The following HIPK2 variants were observed in gnomAD, a reference collection of about 807,000 sequenced individuals.
HIPK2 encodes the protein homeodomain interacting protein kinase 2.
A neutral mutation model predicts 113.7 loss-of-function variants in HIPK2; 27 were observed. The ratio of observed to expected loss-of-function variants is 0.24; its 90% confidence interval spans 0.17 to 0.33. The LOEUF (loss-of-function observed/expected upper bound fraction) is 0.33. HIPK2 is among the 10% of genes least tolerant of loss of function. The pLI is 1.00. For missense variants in HIPK2, 1,257 were observed against 1,588.0 expected, an observed-to-expected ratio of 0.79 and a Z score of 3.54; for synonymous variants, 631 against 642.2, an observed-to-expected ratio of 0.98 and a Z score of 0.26.
At chr7:139,578,762 C>G (rs1040291276) in intron 13 of HIPK2, among the ~76,000 whole-genome samples, 1 of 152,164 alleles carries the variant, frequency 6.6e-6, no homozygotes, top group Non-Finnish European at 1.5e-5. Flanking sequence ...CCTCTGCCTC[C>G]CAGGTTCAAG....
intron 2 of HIPK2, among the ~76,000 whole-genome samples, chr7:139,664,599 G>T (rs1569468425): frequency 6.6e-6 from 1 of 152,074 alleles, no homozygotes; most frequent in Non-Finnish European, 1.5e-5. Context: ...CTCCCACATG[G>T]CTTCCACCCT....
chr7:139,700,307 C>T (rs1237136773), intron 2 of HIPK2, among the ~76,000 whole-genome samples: 3 of 152,134 alleles, frequency 2.0e-5, no homozygotes, highest in Admixed American at 6.5e-5. Context: ...GAGGCTGTAC[C>T]GTTGTAGTGG....
intron 13 of HIPK2, among the ~76,000 whole-genome samples, chr7:139,581,294 G>C (rs923307830): frequency 2.6e-5 from 4 of 152,170 alleles, no homozygotes; most frequent in African/African-American, 9.7e-5. Context: ...GGGACACCAG[G>C]AGCCTGGGAG....
chr7:139,746,809 T>A (rs1253049545), intron 1 of HIPK2, among the ~76,000 whole-genome samples: 3 of 152,182 alleles, frequency 2.0e-5, no homozygotes, highest in African/African-American at 7.2e-5. Flanking sequence ...CCCTTCACTG[T>A]TCAGAGTCCA....
At position 139,726,196 on chromosome 7, in the gene HIPK2, G is replaced by T. The variant is rs190797521; in HGVS notation, c.20-9181C>A. Among the ~76,000 whole-genome samples the T allele has an allele frequency of 1.4e-3, 216 of 152,330 alleles. 1 individual carries two copies. The highest frequency in any genetic ancestry group is 2.4e-3 in the Non-Finnish European group (161 of 68,028). ...CCACTGCTTATCTGATGCATAGGGG[G>T]TCAGTGCAGAGAAGTGGCCTTGAGT... On this transcript the variant is annotated intron_variant, in intron 1 of 14. Transcript: ENST00000406875.
chr7:139,635,637 G>A (rs543796985), intron 2 of HIPK2, among the ~76,000 whole-genome samples: 153 of 152,080 alleles, frequency 1.0e-3, no homozygotes, highest in African/African-American at 3.5e-3. Context: ...TTCCTGCTGC[G>A]ACCGTAAAGA....
Position 139,716,133 on chromosome 7 carries a change from A to T in HIPK2, c.902T>A (p.Ile301Asn), listed in dbSNP as rs770086216. 6.2e-7 allele frequency: 1 copy of T among 1,614,008 alleles called. No individual in the cohort carries two copies. The highest frequency in any genetic ancestry group is 8.5e-7 in the Non-Finnish European group (1 of 1,179,916). Residue 301 changes from isoleucine to asparagine, a missense_variant, in exon 2 of 15, where the codon ATT (isoleucine) becomes AAT (asparagine). Physicochemically the swap from Ile to Asn is moderately radical, Grantham distance 149. This residue lies in a region of HIPK2 where 24 missense variants were observed against 18.1 expected (regional missense o/e 1.33). Coordinates refer to ENST00000406875, the MANE Select transcript of HIPK2 (RefSeq NM_022740.5). This position sits in a 1 kb window ranked among gnomAD's most constrained non-coding sequence, Gnocchi z 9.3. The part of the protein sequence containing the change: ...NKFSPLPLKY[I>N]RPVLQQVATA... ...GGCTACCTGCTGGAGAACTGGGCGA[A>T]TGTATTTGAGGGGCAAGGGGCTAAA...
At position 139,714,302 on chromosome 7, in the gene HIPK2, C is replaced by G. The variant is rs1040090429; in HGVS notation, c.1103+1630G>C. On this transcript the variant is annotated intron_variant, in intron 2 of 14. Transcript: ENST00000406875. The surrounding 1 kb of genome is among the most constrained non-coding windows in gnomAD (Gnocchi z 4.2). ...AGAAACAGCATGGGTGAAGAGGCCT[C>G]GAAACCTCCTGTGTGAGTCAGGATT... Among the ~76,000 whole-genome samples the G allele has an allele frequency of 1.3e-5, 2 of 152,126 alleles. No homozygotes were observed. The highest frequency in any genetic ancestry group is 2.9e-5 in the Non-Finnish European group (2 of 68,032).
At chr7:139,754,025 G>A (rs936472144) in intron 1 of HIPK2, among the ~76,000 whole-genome samples, 7 of 152,348 alleles carry the variant, frequency 4.6e-5, no homozygotes, top group Non-Finnish European at 7.4e-5. Context: ...AAAGACGGGC[G>A]CCACGCTGGA....
At chr7:139,604,265 C>A in intron 9 of HIPK2, 42 bp from the exon 10 acceptor site, 2 of 1,568,766 alleles carry the variant, frequency 1.3e-6, no homozygotes, top group South Asian at 2.4e-5. Context: ...GTTTGCTAAT[C>A]ACATAATTGA....
At chr7:139,771,928 G>C (rs1796659107) in intron 1 of HIPK2, among the ~76,000 whole-genome samples, 1 of 152,208 alleles carries the variant, frequency 6.6e-6, no homozygotes, top group African/African-American at 2.4e-5. Context: ...TTTCAGCCAG[G>C]CCCAGGAATT....
At position 139,562,108 on chromosome 7, in the gene HIPK2, A is replaced by T. The variant is rs1437895191; in HGVS notation, c.*10819T>A. 2.6e-5 allele frequency: 4 copies of T among 152,270 alleles called. No homozygotes were observed. Among genetic ancestry groups the T allele is most frequent in the Non-Finnish European group, 5.9e-5 (4 of 68,046 alleles). 9.4% of individuals were successfully genotyped at this position (152,270 alleles called of 1,614,324 possible). On this transcript the variant is annotated 3_prime_UTR_variant, in exon 15 of 15. Coordinates refer to ENST00000406875, the MANE Select transcript of HIPK2 (RefSeq NM_022740.5). Reference sequence around the variant, plus strand: ...ACAACACATTGGTTTGTCTTTAAAAAAACAAAAGTAGACATTTATAAATAA... The same window carrying T: ...ACAACACATTGGTTTGTCTTTAAAATAACAAAAGTAGACATTTATAAATAA...
intron 2 of HIPK2, among the ~76,000 whole-genome samples, chr7:139,679,745 CCTT>C (rs1042970235): frequency 2.0e-5 from 3 of 152,114 alleles, no homozygotes; most frequent in African/African-American, 7.2e-5. Flanking sequence ...ATTTCTGCCT[CCTT>C]GTCAGCTCAT....
At chr7:139,754,935 GGAT>G (rs1796340385) in intron 1 of HIPK2, among the ~76,000 whole-genome samples, 2 of 152,180 alleles carry the variant, frequency 1.3e-5, no homozygotes, top group Admixed American at 1.3e-4. Context: ...TGGTTCATAC[GGAT>G]GATACCACCA....
chr7:139,595,742 AC>A (rs1164927456), intron 12 of HIPK2, among the ~76,000 whole-genome samples: 1 of 152,246 alleles, frequency 6.6e-6, no homozygotes, highest in Non-Finnish European at 1.5e-5. Flanking sequence ...GTCTATCTAT[AC>A]ATTTTGTAAT....
chr7:139,713,102 G>A (rs1340122035), intron 2 of HIPK2, among the ~76,000 whole-genome samples: 4 of 152,098 alleles, frequency 2.6e-5, no homozygotes, highest in Non-Finnish European at 4.4e-5. Flanking sequence ...ACAACTAAAC[G>A]GAGGGTCCTT....
Position 139,569,589 on chromosome 7 carries a change from G to T in HIPK2, c.*3338C>A, listed in dbSNP as rs954887575. ...TCGCATCCCAGGCCTCTGGGATCTA[G>T]AAAATGACAACCTTGATGGTGACCA... is the stretch of plus-strand genomic sequence containing the variant. On this transcript the variant is annotated 3_prime_UTR_variant, in exon 15 of 15. Transcript: ENST00000406875. 1 of 152,196 alleles carries T rather than the reference G, an allele frequency of 6.6e-6. No homozygotes were observed. Among genetic ancestry groups the T allele is most frequent in the African/African-American group, 2.4e-5 (1 of 41,450 alleles). The allele number at this position is 152,196 out of a possible 1,614,324, so 9.4% of individuals were successfully genotyped here.
rs1442289036 is a variant in HIPK2 at position 139,612,466 on chromosome 7, T to C, written c.2112+736A>G. On this transcript the variant is annotated intron_variant, in intron 9 of 14. Transcript: ENST00000406875. The stretch of plus-strand genomic sequence containing the variant: ...CTGGTTCTGTTACCTAATTGTTGTG[T>C]GACTCTGATGAGCAAGTTATTCTGC... Among the ~76,000 whole-genome samples, 5 of 152,340 alleles carry C rather than the reference T, an allele frequency of 3.3e-5. No homozygotes were observed. In the South Asian group the frequency reaches 8.3e-4, roughly 25 times the overall value.
At position 139,563,770 on chromosome 7, in the gene HIPK2, G is replaced by A. The variant is rs1450361131; in HGVS notation, c.*9157C>T. On this transcript the variant is annotated 3_prime_UTR_variant, in exon 15 of 15. Coordinates refer to ENST00000406875, the MANE Select transcript of HIPK2 (RefSeq NM_022740.5). ...TGTCAATACAGTTCACAGGGAAAAA[G>A]CAAATGTGGTATTTTTTTGTATTTT... 2.5e-6 allele frequency: 1 copy of A among 398,412 alleles called. No homozygotes were observed. The highest frequency in any genetic ancestry group is 2.1e-5 in the African/African-American group (1 of 48,610). 24.7% of individuals were successfully genotyped at this position (398,412 alleles called of 1,614,324 possible). A position where few individuals can be genotyped will look rare whatever the true frequency, so the allele number is the denominator to read the frequency against.
Sources: gnomAD v4.1 joint callset for allele counts (sites outside exome capture counted in the v4.1 genomes callset) on GRCh38, gnomAD v4.1.1 for gene constraint, gnomAD v4.1.1 regional missense constraint, Gnocchi (gnomAD v3.1) non-coding constraint, MANE v1.5 for transcripts, NCBI Gene and HGNC (gene_info 2026-07-23, HGNC 2026-07-21) for gene names.